The following NSD2 variants were observed in gnomAD, a reference collection of about 807,000 sequenced individuals.
NSD2 encodes the protein histone-lysine N-methyltransferase NSD2.
Under a neutral mutation model 139.0 loss-of-function variants are expected in NSD2, and 12 were observed. The observed-to-expected ratio is 0.09, with a 90% confidence interval of 0.06 to 0.14. The LOEUF (loss-of-function observed/expected upper bound fraction) is 0.14, where lower values mean the gene tolerates loss of function less well. Among genes scored for constraint, NSD2 ranks in the 10% least tolerant of loss-of-function variants. The pLI, the probability that NSD2 is intolerant of heterozygous loss-of-function variation, is 1.00. For synonymous variants in NSD2, 669 were observed against 648.7 expected, an observed-to-expected ratio of 1.03 and a Z score of -0.48; for missense variants, 1,155 against 1,745.0, an observed-to-expected ratio of 0.66 and a Z score of 6.02.
chr4:1,963,946 T>G (rs1725618694), intron 18 of NSD2, among the ~76,000 whole-genome samples: 1 of 152,162 alleles, frequency 6.6e-6, no homozygotes, highest in African/African-American at 2.4e-5. Context: ...TGCTGTGAAC[T>G]ATGATCATGT....
At chr4:1,881,159 A>G (rs1714665965) in intron 1 of NSD2, among the ~76,000 whole-genome samples, 1 of 152,114 alleles carries the variant, frequency 6.6e-6, no homozygotes, top group Admixed American at 6.6e-5. Flanking sequence ...TTTTTGAGAT[A>G]GGGTCCCTCC....
intron 1 of NSD2, among the ~76,000 whole-genome samples, chr4:1,883,178 A>G (rs574505939): frequency 9.8e-5 from 15 of 152,330 alleles, no homozygotes; most frequent in African/African-American, 3.4e-4. Flanking sequence ...TTTACTGTCC[A>G]GATAGCATTC....
chr4:1,955,392 C>A lies in NSD2; in HGVS notation c.2518+52C>A. 6.4e-7 allele frequency: 1 copy of A among 1,560,470 alleles called. No homozygotes were observed. Among genetic ancestry groups the A allele is most frequent in the South Asian group, 1.2e-5 (1 of 86,180 alleles). On this transcript the variant is annotated intron_variant, in intron 13 of 21. Transcript: ENST00000508803. This position sits in a 1 kb window ranked among gnomAD's most constrained non-coding sequence, Gnocchi z 4.7. ...ACACGCCTCTCACACTCCCAGGAGC[C>A]ACATATCAAGGCAGGCTCATTCCTT...
At chr4:1,895,479 T>C (rs1716143553) in intron 1 of NSD2, among the ~76,000 whole-genome samples, 1 of 152,238 alleles carries the variant, frequency 6.6e-6, no homozygotes, top group African/African-American at 2.4e-5. Flanking sequence ...TTCTAATCTA[T>C]TATATTTTTA....
chr4:1,872,498 A>C (rs1713865712), intron 1 of NSD2, among the ~76,000 whole-genome samples: 2 of 151,590 alleles, frequency 1.3e-5, no homozygotes, highest in African/African-American at 2.4e-5. Context: ...TTTGACATTC[A>C]AGTGGAAACA....
chr4:1,899,795 C>T (rs1430188971), intron 1 of NSD2, among the ~76,000 whole-genome samples: 2 of 152,204 alleles, frequency 1.3e-5, no homozygotes, highest in African/African-American at 2.4e-5. Context: ...CCTCACTGGC[C>T]AGTGTGGTGC....
Position 1,973,361 on chromosome 4 carries a change from T to G in NSD2, c.3373-1502T>G, listed in dbSNP as rs1258547204. On this transcript the variant is annotated intron_variant, in intron 18 of 21. Transcript: ENST00000508803. The surrounding 1 kb of genome is among the most constrained non-coding windows in gnomAD (Gnocchi z 5.5). ...CAGAGGCTGGGTTGTCCTGTTGGCATTGGTGGCATGTCCCATGTGCATGCC... is the reference window on the plus strand; with the variant it reads ...CAGAGGCTGGGTTGTCCTGTTGGCAGTGGTGGCATGTCCCATGTGCATGCC... Among the ~76,000 whole-genome samples the G allele has an allele frequency of 6.6e-6, 1 of 152,180 alleles. No homozygotes were observed. The highest frequency in any genetic ancestry group is 2.4e-5 in the African/African-American group (1 of 41,456).
chr4:1,906,986 C>T (rs753146221), intron 3 of NSD2, among the ~76,000 whole-genome samples: 16 of 152,006 alleles, frequency 1.1e-4, no homozygotes, highest in African/African-American at 2.9e-4. Context: ...TGCTTGACTC[C>T]GGGACCTTGC....
chr4:1,886,317 G>A lies in NSD2; in HGVS notation c.-29-14309G>A, dbSNP rs138060967. ...CATCTCCTGGGCTCAGGCAATTCTCGTGCCTCAGTCTCCTGAATAGCTGGT... is the reference window on the plus strand; with the variant it reads ...CATCTCCTGGGCTCAGGCAATTCTCATGCCTCAGTCTCCTGAATAGCTGGT... On this transcript the variant is annotated intron_variant, in intron 1 of 21. Coordinates refer to ENST00000508803, the MANE Select transcript of NSD2 (RefSeq NM_001042424.3). 1.5e-3 allele frequency among the ~76,000 whole-genome samples: 231 copies of A among 152,118 alleles called. 1 individual carries two copies. Among genetic ancestry groups the A allele is most frequent in the African/African-American group, 5.0e-3 (209 of 41,500 alleles).
At chr4:1,978,584 T>G (rs768087427) in intron 21 of NSD2, 54 bp from the exon 22 acceptor site, 1 of 1,553,300 alleles carries the variant, frequency 6.4e-7, no homozygotes, top group East Asian at 2.3e-5. Context: ...CACGATAATG[T>G]TGAAGTCGTG....
Position 1,970,120 on chromosome 4 carries a change from C to G in NSD2, c.3373-4743C>G, listed in dbSNP as rs59176209. On this transcript the variant is annotated intron_variant, in intron 18 of 21. Coordinates refer to ENST00000508803, the MANE Select transcript of NSD2 (RefSeq NM_001042424.3). ...CTGCTGAGGAGAGGCACTGTGCATT[C>G]AAGCAGGCCAGAGGATGGTTCAGCG... is the stretch of plus-strand genomic sequence containing the variant. Among the ~76,000 whole-genome samples the G allele has an allele frequency of 1.5e-3, 228 of 152,292 alleles. 2 individuals carry two copies. In the East Asian group the frequency reaches 0.034, roughly 23 times the overall value.
intron 3 of NSD2, among the ~76,000 whole-genome samples, chr4:1,915,132 T>C (rs1411640038): frequency 2.1e-5 from 3 of 142,244 alleles, no homozygotes; most frequent in Non-Finnish European, 3.0e-5. Context: ...TTTTTTTTTT[T>C]TGAGACGGAG....
intron 18 of NSD2, among the ~76,000 whole-genome samples, chr4:1,964,238 C>T (rs771445145): frequency 6.6e-6 from 1 of 152,100 alleles, no homozygotes; most frequent in Non-Finnish European, 1.5e-5. Context: ...CAGACAAATA[C>T]GAACAAACAG....
intron 1 of NSD2, among the ~76,000 whole-genome samples, chr4:1,873,675 A>G (rs528764242): frequency 1.3e-5 from 2 of 152,206 alleles, no homozygotes; most frequent in Non-Finnish European, 2.9e-5. Flanking sequence ...AAATCTTACA[A>G]AGTTTACTCA....
intron 1 of NSD2, among the ~76,000 whole-genome samples, chr4:1,883,535 G>A (rs1482892820): frequency 6.6e-6 from 1 of 151,946 alleles, no homozygotes; most frequent in Non-Finnish European, 1.5e-5. Context: ...AGGAGGCTGA[G>A]GCACGAGAAT....
intron 3 of NSD2, among the ~76,000 whole-genome samples, chr4:1,907,615 CTTTTTTTTTT>C (rs765535552): frequency 5.3e-5 from 5 of 93,654 alleles, no homozygotes; most frequent in East Asian, 3.5e-4. Flanking sequence ...TGTTGAATCT[CTTTTTTTTTT>C]TTTTTTTTTT....
intron 9 of NSD2, chr4:1,943,981 G>A (rs1373750155): frequency 1.9e-6 from 2 of 1,065,110 alleles, no homozygotes; most frequent in African/African-American, 3.3e-5. Context: ...GCAAAACCCT[G>A]CAAATGACCA....
chr4:1,948,943 C>A lies in NSD2; in HGVS notation c.1882-2129C>A. 1 of 412,328 alleles carries A rather than the reference C, an allele frequency of 2.4e-6. No homozygotes were observed. Among genetic ancestry groups the A allele is most frequent in the Non-Finnish European group, 3.3e-6 (1 of 299,342 alleles). The allele number at this position is 412,328 out of a possible 1,614,324, so 25.5% of individuals were successfully genotyped here. The stretch of plus-strand genomic sequence containing the variant: ...TGGGTTGGTGGATAGCGCTGGGGCT[C>A]TCTCCCCTGAGCCATGCAGAAGGCC... On this transcript the variant is annotated intron_variant, in intron 9 of 21. Transcript: ENST00000508803. This position sits in a 1 kb window ranked among gnomAD's most constrained non-coding sequence, Gnocchi z 4.5.
chr4:1,943,906 C>G, intron 9 of NSD2: 1 of 1,063,812 alleles, frequency 9.4e-7, no homozygotes, highest in Non-Finnish European at 1.1e-6. Flanking sequence ...GCCAGCTAGC[C>G]CATAACTGAT....
Sources: gnomAD v4.1 joint callset for allele counts (sites outside exome capture counted in the v4.1 genomes callset) on GRCh38, gnomAD v4.1.1 for gene constraint, Gnocchi (gnomAD v3.1) non-coding constraint, MANE v1.5 for transcripts, NCBI Gene and HGNC (gene_info 2026-07-23, HGNC 2026-07-21) for gene names.